NALF1: variants seen among roughly 807,000 people sequenced by gnomAD.
The protein encoded by NALF1 is family with sequence similarity 155 member A.
A neutral mutation model predicts 48.4 loss-of-function variants in NALF1; 3 were observed. The observed-to-expected ratio is 0.06, with a 90% CI of 0.03 to 0.16. The LOEUF (loss-of-function observed/expected upper bound fraction) is 0.16, where lower values mean the gene tolerates loss of function less well. Ranked by LOEUF, NALF1 falls within the 10% of genes least tolerant of loss-of-function variation. NALF1 has a pLI of 1.00. For synonymous variants in NALF1, 262 were observed against 245.7 expected, an observed-to-expected ratio of 1.07 and a Z score of -0.62; for missense variants, 526 against 571.5, an observed-to-expected ratio of 0.92 and a Z score of 0.81.
Position 107,591,160 on chromosome 13 carries a change from C to T in NALF1, c.915+274522G>A, listed in dbSNP as rs564588661. Among the ~76,000 whole-genome samples the T allele has an allele frequency of 3.3e-5, 5 of 151,968 alleles. No homozygotes were observed. The South Asian group carries it at 1.0e-3, about 32-fold the overall frequency. On this transcript the variant is annotated intron_variant, in intron 1 of 2. Coordinates refer to ENST00000375915, the MANE Select transcript of NALF1 (RefSeq NM_001080396.3). ...TCCCATTAAGATAACTCAATAGTTTCGTGATGCCAAGTAATAAAAAGAAAC... is the reference window on the plus strand; with the variant it reads ...TCCCATTAAGATAACTCAATAGTTTTGTGATGCCAAGTAATAAAAAGAAAC...
At chr13:107,693,495 T>C (rs1881621660) in intron 1 of NALF1, among the ~76,000 whole-genome samples, 1 of 151,872 alleles carries the variant, frequency 6.6e-6, no homozygotes, top group African/African-American at 2.4e-5. Context: ...AAAAAAACAG[T>C]ATACTTCTGG....
chr13:107,867,189 T>C lies in NALF1; in HGVS notation c.-593A>G, dbSNP rs566925004. Among the ~76,000 whole-genome samples the C allele has an allele frequency of 1.3e-5, 2 of 151,444 alleles. No individual in the cohort carries two copies. The highest frequency in any genetic ancestry group is 4.2e-4 in the South Asian group (2 of 4,802). On this transcript the variant is annotated 5_prime_UTR_variant, in exon 1 of 3. Transcript: ENST00000375915. The surrounding 1 kb of genome is among the most constrained non-coding windows in gnomAD (Gnocchi z 4.4). ...TCCTCCTTCCTTTCCTTCTCCTTCT[T>C]CTTCTCCTCCGCCTCCCGCTCCTGC...
intron 1 of NALF1, among the ~76,000 whole-genome samples, chr13:107,576,770 G>A (rs907194672): frequency 1.3e-5 from 2 of 152,178 alleles, no homozygotes; most frequent in African/African-American, 4.8e-5. Flanking sequence ...GGGATGCCAT[G>A]TATTAAAAAT....
At chr13:107,677,368 G>T (rs1881159081) in intron 1 of NALF1, among the ~76,000 whole-genome samples, 1 of 152,198 alleles carries the variant, frequency 6.6e-6, no homozygotes, top group Admixed American at 6.5e-5. Context: ...CCACAGATGT[G>T]TAAATGTGTA....
chr13:107,328,888 G>T (rs906815408), intron 1 of NALF1, among the ~76,000 whole-genome samples: 2 of 152,040 alleles, frequency 1.3e-5, no homozygotes, highest in Non-Finnish European at 2.9e-5. Context: ...AACCAGAAAG[G>T]GTTTCAGGAA....
At chr13:107,372,793 T>C (rs915406260) in intron 1 of NALF1, among the ~76,000 whole-genome samples, 3 of 152,206 alleles carry the variant, frequency 2.0e-5, no homozygotes, top group Admixed American at 6.5e-5. Flanking sequence ...CATGAAGGTT[T>C]AGATATCAAA....
intron 1 of NALF1, among the ~76,000 whole-genome samples, chr13:107,724,718 T>C (rs1239056069): frequency 6.6e-6 from 1 of 152,086 alleles, no homozygotes. Context: ...TGCACCACCA[T>C]GCCCATCAAA....
intron 2 of NALF1, among the ~76,000 whole-genome samples, chr13:107,204,638 A>G (rs1487767933): frequency 6.6e-6 from 1 of 152,264 alleles, no homozygotes; most frequent in Non-Finnish European, 1.5e-5. Flanking sequence ...CTCAAAAAGT[A>G]CAATGTTTTA....
chr13:107,292,628 A>C (rs995708080), intron 1 of NALF1, among the ~76,000 whole-genome samples: 2 of 152,204 alleles, frequency 1.3e-5, no homozygotes, highest in African/African-American at 4.8e-5. Context: ...TTCAGAGGCA[A>C]TAACAGGCAT....
chr13:107,261,830 TAATAA>T (rs1320034507), intron 1 of NALF1, among the ~76,000 whole-genome samples: 1 of 152,112 alleles, frequency 6.6e-6, no homozygotes, highest in East Asian at 1.9e-4. Context: ...ATTATCAAAC[TAATAA>T]AATAAATATA....
rs1878769918 is a variant in NALF1 at position 107,170,223 on chromosome 13, C to T, written c.*274G>A. ...TGCAAAAAATAAACAAACAAATAAACCCAAACCAAAACGAAAGCAAATAAA... is the reference window on the plus strand; with the variant it reads ...TGCAAAAAATAAACAAACAAATAAATCCAAACCAAAACGAAAGCAAATAAA... On this transcript the variant is annotated 3_prime_UTR_variant, in exon 3 of 3. Transcript: ENST00000375915. 1 of 339,548 alleles carries T rather than the reference C, an allele frequency of 2.9e-6. No individual in the cohort carries two copies. The highest frequency in any genetic ancestry group is 6.8e-5 in the South Asian group (1 of 14,800). 21.0% of individuals were successfully genotyped at this position (339,548 alleles called of 1,614,324 possible).
At chr13:107,842,250 G>A (rs534032836) in intron 1 of NALF1, among the ~76,000 whole-genome samples, 1 of 151,972 alleles carries the variant, frequency 6.6e-6, no homozygotes, top group East Asian at 1.9e-4. Context: ...TCATTTATAT[G>A]TATGAAAATG....
At chr13:107,236,158 A>G (rs910586867) in intron 1 of NALF1, among the ~76,000 whole-genome samples, 4 of 152,102 alleles carry the variant, frequency 2.6e-5, no homozygotes, top group Non-Finnish European at 4.4e-5. Flanking sequence ...TGCGGTCCCT[A>G]TGGCCTGCTA....
intron 2 of NALF1, among the ~76,000 whole-genome samples, chr13:107,184,893 C>T (rs1879140299): frequency 6.6e-6 from 1 of 152,134 alleles, no homozygotes; most frequent in Non-Finnish European, 1.5e-5. Flanking sequence ...ACCCCGAATA[C>T]CTCAGAATGG....
In NALF1 at chr13:107,725,572, G is replaced by A. The variant is rs568716236; in HGVS notation, c.915+140110C>T. 1.3e-4 allele frequency among the ~76,000 whole-genome samples: 20 copies of A among 152,184 alleles called. No homozygotes were observed. The South Asian group carries it at 1.4e-3, about 11-fold the overall frequency. ...TAAAAAATACAAAAATTACCTGGGC[G>A]CAGAGGCGCACGCCTGTAGTCCCAG... is the stretch of plus-strand genomic sequence containing the variant. On this transcript the variant is annotated intron_variant, in intron 1 of 2. Transcript: ENST00000375915.
intron 1 of NALF1, among the ~76,000 whole-genome samples, chr13:107,726,913 T>TTCTGTGTG (rs765487919): frequency 0.019 from 2,464 of 126,436 alleles, 77 homozygotes; most frequent in Middle Eastern, 0.029. Context: ...CGGCAAATTC[T>TTCTGTGTG]TGTGTGTGTG....
chr13:107,530,470 A>T (rs1232925095), intron 1 of NALF1, among the ~76,000 whole-genome samples: 1 of 152,166 alleles, frequency 6.6e-6, no homozygotes, highest in African/African-American at 2.4e-5. Context: ...TATAGACTGA[A>T]GCAAAATCTA....
intron 1 of NALF1, among the ~76,000 whole-genome samples, chr13:107,854,380 G>C (rs147020131): frequency 6.6e-6 from 1 of 152,220 alleles, no homozygotes; most frequent in Non-Finnish European, 1.5e-5. Flanking sequence ...GCCTGAGAAG[G>C]CATACCTGCC....
At position 107,824,828 on chromosome 13, in the gene NALF1, C is replaced by T. The variant is rs187626077; in HGVS notation, c.915+40854G>A. Among the ~76,000 whole-genome samples, 4 of 152,278 alleles carry T rather than the reference C, an allele frequency of 2.6e-5. No homozygotes were observed. The East Asian group carries it at 7.7e-4, about 29-fold the overall frequency. On this transcript the variant is annotated intron_variant, in intron 1 of 2. Coordinates refer to ENST00000375915, the MANE Select transcript of NALF1 (RefSeq NM_001080396.3). ...TATGGACTGGGCTCTTCCATCGCTG[C>T]GTAGTCATAAATCATGTTTGCTTTG...
Sources: gnomAD v4.1 joint callset for allele counts (sites outside exome capture counted in the v4.1 genomes callset) on GRCh38, gnomAD v4.1.1 for gene constraint, Gnocchi (gnomAD v3.1) non-coding constraint, MANE v1.5 for transcripts, NCBI Gene and HGNC (gene_info 2026-07-23, HGNC 2026-07-21) for gene names.